TICRR: variants seen among roughly 807,000 people sequenced by gnomAD.
TICRR encodes treslin.
TICRR carries 132 observed loss-of-function variants against 178.1 expected under a neutral mutation model. The ratio of observed to expected loss-of-function variants is 0.74; its 90% confidence interval spans 0.64 to 0.86. The LOEUF is 0.86. TICRR is among the 40% of genes least tolerant of loss of function. The pLI is 0.00. For synonymous variants in TICRR, 991 were observed against 900.7 expected, an observed-to-expected ratio of 1.10 and a Z score of -1.79; for missense variants, 2,587 against 2,334.3, an observed-to-expected ratio of 1.11 and a Z score of -2.23.
chr15:89,599,371 C>T lies in TICRR; in HGVS notation c.1948C>T (p.Gln650Ter). The T allele has an allele frequency of 1.2e-6, 2 of 1,612,668 alleles. No individual in the cohort carries two copies. The highest frequency in any genetic ancestry group is 1.7e-6 in the Non-Finnish European group (2 of 1,179,314). The change falls in exon 8 of 22, where the codon CAA (glutamine) becomes TAA (stop). Residue 650 changes from glutamine to a stop codon, truncating the protein, a stop_gained. Coordinates refer to ENST00000268138, the MANE Select transcript of TICRR (RefSeq NM_152259.4). LOFTEE classifies it high-confidence loss of function. Reference sequence around the variant, plus strand: ...GCTATCATATATACGTGAAAATTACCAAAAGACTGTGGCCACAGGAGAAAT... The same window carrying T: ...GCTATCATATATACGTGAAAATTACTAAAAGACTGTGGCCACAGGAGAAAT... ...ELLSYIRENY[Q>*]KTVATGEIML...
chr15:89,623,068 CACT>C (rs376946161), intron 19 of TICRR, among the ~76,000 whole-genome samples: 1 of 152,224 alleles, frequency 6.6e-6, no homozygotes, highest in South Asian at 2.1e-4. Context: ...TGGAGCTTTT[CACT>C]ACGTATTTTT....
At chr15:89,586,812 AG>A (rs1365984340) in intron 4 of TICRR, among the ~76,000 whole-genome samples, 1 of 152,078 alleles carries the variant, frequency 6.6e-6, no homozygotes, top group African/African-American at 2.4e-5. Flanking sequence ...AGAGAGTAGG[AG>A]GGGGTGAGGT....
At position 89,627,199 on chromosome 15, in the gene TICRR, C is replaced by A; in HGVS notation, c.*113C>A. On this transcript the variant is annotated 3_prime_UTR_variant, in exon 22 of 22. Coordinates refer to ENST00000268138, the MANE Select transcript of TICRR (RefSeq NM_152259.4). Reference sequence around the variant, plus strand: ...TTTGCCATGGTCAGTGTTCAGATTGCCATTAGAATGCCTTAGGGTTTTCTA... The same window carrying A: ...TTTGCCATGGTCAGTGTTCAGATTGACATTAGAATGCCTTAGGGTTTTCTA... 1 of 1,318,436 alleles carries A rather than the reference C, an allele frequency of 7.6e-7. No homozygotes were observed. The highest frequency in any genetic ancestry group is 1.1e-6 in the Non-Finnish European group (1 of 944,850). 81.7% of individuals were successfully genotyped at this position (1,318,436 alleles called of 1,614,324 possible).
chr15:89,584,757 G>C (rs1428775680), intron 3 of TICRR, among the ~76,000 whole-genome samples: 2 of 152,174 alleles, frequency 1.3e-5, no homozygotes, highest in African/African-American at 2.4e-5. Flanking sequence ...TATTCACATA[G>C]GGAAGAAGGC....
chr15:89,615,921 G>A (rs1293190103), intron 15 of TICRR, among the ~76,000 whole-genome samples: 1 of 149,392 alleles, frequency 6.7e-6, no homozygotes, highest in Non-Finnish European at 1.5e-5. Flanking sequence ...GTCTCCCTCT[G>A]TTGCCCAGGC....
Position 89,602,845 on chromosome 15 carries a change from C to A in TICRR, c.2617C>A (p.Leu873Ile). The A allele has an allele frequency of 6.5e-7, 1 of 1,527,880 alleles. No homozygotes were observed. Among genetic ancestry groups the A allele is most frequent in the Non-Finnish European group, 8.8e-7 (1 of 1,139,204 alleles). The allele number at this position is 1,527,880 out of a possible 1,614,324, so 94.6% of individuals were successfully genotyped here. The part of the protein sequence containing the change: ...HKSIAEVSQN[L>I]RQIEIPKVSK... ...AAGCATTGCTGAGGTTTCACAGAAT[C>A]TTCGACAAATTGAAATTCCTAAAGT... Residue 873 changes from leucine to isoleucine, a missense_variant, in exon 13 of 22, where the codon CTT becomes ATT. Transcript: ENST00000268138.
chr15:89,576,815 GTGTGTGTATATATA>G (rs1407528970), intron 1 of TICRR, among the ~76,000 whole-genome samples: 4,030 of 106,746 alleles, frequency 0.038, 112 homozygotes, highest in African/African-American at 0.071. Flanking sequence ...GTGTGTATGT[GTGTGTGTATATATA>G]TATATATATA....
At chr15:89,619,221 C>T (rs76641502) in intron 17 of TICRR, among the ~76,000 whole-genome samples, 16 of 111,996 alleles carry the variant, frequency 1.4e-4, no homozygotes, top group South Asian at 2.9e-4. Flanking sequence ...CACCATTCTT[C>T]TTTTTTTTTT....
chr15:89,623,887 C>A lies in TICRR; in HGVS notation c.3577C>A (p.Pro1193Thr), dbSNP rs764560006. ...GEGTSLETKTPRTPKRQGTQP... is the reference protein window; with the variant it reads ...GEGTSLETKTTRTPKRQGTQP... ...AGGTACCTCTCTTGAAACGAAGACA[C>A]CAAGAACTCCTAAGAGGCAAGGTAC... The change falls in exon 20 of 22, where the codon CCA becomes ACA. Residue 1193 changes from proline (P) to threonine (T), a missense_variant. By Grantham distance (38) the Pro-to-Thr change is conservative (BLOSUM62 -1). Transcript: ENST00000268138. 70 of 1,613,894 alleles carry A rather than the reference C, an allele frequency of 4.3e-5. 1 individual carries two copies. In the South Asian group the frequency reaches 7.7e-4, roughly 18 times the overall value.
chr15:89,614,155 A>AAAATAAAT (rs907507106), intron 15 of TICRR, among the ~76,000 whole-genome samples: 1 of 151,970 alleles, frequency 6.6e-6, no homozygotes, highest in African/African-American at 2.4e-5. Context: ...CTCTGTCTCA[A>AAAATAAAT]AAATAAATAA....
chr15:89,620,402 T>G (rs138194292), intron 18 of TICRR, among the ~76,000 whole-genome samples: 1,877 of 151,908 alleles, frequency 0.012, 52 homozygotes, highest in African/African-American at 0.044. Context: ...AAGACTGGGT[T>G]TCACCATGTT....
chr15:89,606,968 C>T, intron 14 of TICRR, 143 bp downstream of exon 14: 1 of 589,144 alleles, frequency 1.7e-6, no homozygotes, highest in East Asian at 2.9e-5. Context: ...ATACCATGGA[C>T]ATAGTCCCCT....
chr15:89,616,348 G>A (rs991122326), intron 15 of TICRR, 57 bp from the exon 16 acceptor site: 10 of 1,498,022 alleles, frequency 6.7e-6, no homozygotes, highest in Non-Finnish European at 9.3e-6. Context: ...TGGCCTTACT[G>A]CTGCTTCTTG....
chr15:89,617,007 G>C (rs1403917814), intron 16 of TICRR, among the ~76,000 whole-genome samples: 2 of 152,112 alleles, frequency 1.3e-5, no homozygotes, highest in Non-Finnish European at 2.9e-5. Flanking sequence ...GTATACCTGG[G>C]TTGTCAGCTT....
chr15:89,590,796 A>T (rs1002049183), intron 4 of TICRR, among the ~76,000 whole-genome samples: 1 of 152,240 alleles, frequency 6.6e-6, no homozygotes, highest in Non-Finnish European at 1.5e-5. Context: ...GAATTCTTTC[A>T]CTGATAGAAA....
In TICRR at chr15:89,621,397, A is replaced by AAGAG; in HGVS notation, c.3161_3164dup (p.Asn1056ArgfsTer21). The AAGAG allele has an allele frequency of 6.3e-7, 1 of 1,592,860 alleles. No homozygotes were observed. Among genetic ancestry groups the AAGAG allele is most frequent in the African/African-American group, 1.4e-5 (1 of 73,416 alleles). ...GTTGCTGTTTTTGACTTGCAGACCA[A>AAGAG]AGAGAAAATTCTCCAGTCCAAAGTA... is the stretch of plus-strand genomic sequence containing the variant. On this transcript the variant is annotated frameshift_variant, in exon 19 of 22. Transcript: ENST00000268138. LOFTEE classifies it high-confidence loss of function.
chr15:89,616,225 G>A (rs1390971991), intron 15 of TICRR, among the ~76,000 whole-genome samples, 180 bp from the exon 16 acceptor site: 1 of 152,094 alleles, frequency 6.6e-6, no homozygotes, highest in Non-Finnish European at 1.5e-5. Context: ...ATCTCTAATA[G>A]TGCTGACAAA....
At position 89,619,760 on chromosome 15, in the gene TICRR, A is replaced by G; in HGVS notation, c.3072A>G (p.Thr1024=). ...PRIKQLSFSR[T]HSASFYSVSQ... ...TCAAGCAGTTGTCATTTAGCAGGAC[A>G]CATTCTGCCTCCTTCTATTCTGTGT... Residue 1024 remains threonine, a synonymous_variant, in exon 18 of 22, where the codon ACA becomes ACG. Transcript: ENST00000268138. 6.2e-7 allele frequency: 1 copy of G among 1,613,998 alleles called. No individual in the cohort carries two copies. Among genetic ancestry groups the G allele is most frequent in the Admixed American group, 1.7e-5 (1 of 59,958 alleles).
At chr15:89,611,050 T>C (rs984506175) in intron 15 of TICRR, among the ~76,000 whole-genome samples, 4 of 151,932 alleles carry the variant, frequency 2.6e-5, no homozygotes, top group African/African-American at 9.7e-5. Flanking sequence ...TTATATAGGG[T>C]TTAAAAAAAA....
Sources: gnomAD v4.1 joint callset for allele counts (sites outside exome capture counted in the v4.1 genomes callset) on GRCh38, gnomAD v4.1.1 for gene constraint, MANE v1.5 for transcripts, NCBI Gene and HGNC (gene_info 2026-07-23, HGNC 2026-07-21) for gene names.